Variants in NRXN3 observed in about 807,000 individuals in gnomAD.
NRXN3 encodes the protein neurexin 3.
NRXN3 carries 32 observed loss-of-function variants against 137.6 expected under a neutral mutation model. The ratio of observed to expected loss-of-function variants is 0.23; its 90% confidence interval spans 0.18 to 0.31. The LOEUF is 0.31. Ranked by LOEUF, NRXN3 falls within the 10% of genes least tolerant of loss-of-function variation. NRXN3 has a pLI of 1.00. For missense variants in NRXN3, 1,574 were observed against 2,062.5 expected, an observed-to-expected ratio of 0.76 and a Z score of 4.59; for synonymous variants, 798 against 784.5, an observed-to-expected ratio of 1.02 and a Z score of -0.29.
At chr14:78,935,379 A>G (rs1008365500) in intron 10 of NRXN3, among the ~76,000 whole-genome samples, 2 of 152,192 alleles carry the variant, frequency 1.3e-5, no homozygotes, top group African/African-American at 4.8e-5. Context: ...GTATAGAGCC[A>G]TCCCTTGGTA....
chr14:79,594,465 T>C (rs891361495), intron 16 of NRXN3, among the ~76,000 whole-genome samples: 2 of 152,176 alleles, frequency 1.3e-5, no homozygotes, highest in African/African-American at 4.8e-5. Flanking sequence ...AAAATAAATA[T>C]TATATACTTT....
At chr14:78,931,580 G>C (rs2099322008) in intron 10 of NRXN3, among the ~76,000 whole-genome samples, 2 of 152,006 alleles carry the variant, frequency 1.3e-5, no homozygotes, top group Non-Finnish European at 2.9e-5. Flanking sequence ...TTACAGATGA[G>C]GACCCTGAGA....
chr14:79,029,588 A>G (rs1177107763), intron 15 of NRXN3, among the ~76,000 whole-genome samples: 1 of 152,126 alleles, frequency 6.6e-6, no homozygotes, highest in Non-Finnish European at 1.5e-5. Context: ...TGCCAATGAC[A>G]TTTTTTGACT....
chr14:78,780,589 C>T (rs536986764), intron 8 of NRXN3, among the ~76,000 whole-genome samples: 1 of 152,152 alleles, frequency 6.6e-6, no homozygotes, highest in African/African-American at 2.4e-5. Context: ...TAATGACCCC[C>T]TACATGTGAT....
chr14:79,624,425 G>A (rs2098259182), intron 16 of NRXN3, among the ~76,000 whole-genome samples: 1 of 138,402 alleles, frequency 7.2e-6, no homozygotes, highest in South Asian at 2.2e-4. Flanking sequence ...TACATTTAAG[G>A]TGTCTCCATA....
intron 4 of NRXN3, among the ~76,000 whole-genome samples, chr14:78,616,183 C>T (rs1227938843): frequency 1.3e-5 from 2 of 152,122 alleles, no homozygotes; most frequent in Non-Finnish European, 2.9e-5. Context: ...AGCTTAAAAC[C>T]CTTTAATGGT....
At chr14:79,315,268 C>G (rs562250254) in intron 15 of NRXN3, among the ~76,000 whole-genome samples, 1 of 152,266 alleles carries the variant, frequency 6.6e-6, no homozygotes, top group East Asian at 1.9e-4. Context: ...ATCTCAAAGA[C>G]TAATAACTTA....
intron 15 of NRXN3, among the ~76,000 whole-genome samples, chr14:79,332,417 A>G (rs769939831): frequency 3.3e-5 from 5 of 152,068 alleles, no homozygotes; most frequent in Non-Finnish European, 7.4e-5. Flanking sequence ...CCAGTCCGCA[A>G]TACGTCCTGC....
intron 10 of NRXN3, among the ~76,000 whole-genome samples, chr14:78,955,347 AT>A (rs1440281129): frequency 1.3e-4 from 20 of 152,210 alleles, no homozygotes; most frequent in African/African-American, 4.3e-4. Context: ...TGTTACATCA[AT>A]CTTAGACCTG....
At chr14:78,665,410 A>G (rs559444523) in intron 6 of NRXN3, among the ~76,000 whole-genome samples, 19 of 152,288 alleles carry the variant, frequency 1.2e-4, no homozygotes, top group African/African-American at 4.6e-4. Context: ...TTATAAAACC[A>G]TCAGATCTTG....
At chr14:79,029,683 G>T (rs145945327) in intron 15 of NRXN3, among the ~76,000 whole-genome samples, 1 of 152,056 alleles carries the variant, frequency 6.6e-6, no homozygotes, top group Non-Finnish European at 1.5e-5. Context: ...GCCAGTAGTA[G>T]CCTCCCCAAC....
intron 4 of NRXN3, among the ~76,000 whole-genome samples, chr14:78,484,937 A>G (rs1279512602): frequency 1.3e-5 from 2 of 152,228 alleles, no homozygotes; most frequent in Non-Finnish European, 2.9e-5. Context: ...TTAGTGCAGA[A>G]TAAATAAAAT....
chr14:78,936,498 A>G (rs2099339395), intron 10 of NRXN3, among the ~76,000 whole-genome samples: 1 of 152,224 alleles, frequency 6.6e-6, no homozygotes, highest in South Asian at 2.1e-4. Context: ...CTCTAGTGAC[A>G]GAAAACAGAA....
At chr14:78,187,863 T>C (rs1250495592) in intron 1 of NRXN3, among the ~76,000 whole-genome samples, 1 of 148,360 alleles carries the variant, frequency 6.7e-6, no homozygotes, top group Non-Finnish European at 1.5e-5. Flanking sequence ...GATAGCTGAG[T>C]GGAATATGCT....
At chr14:78,957,809 A>G (rs542101019) in intron 11 of NRXN3, among the ~76,000 whole-genome samples, 3 of 152,352 alleles carry the variant, frequency 2.0e-5, no homozygotes, top group South Asian at 2.1e-4. Context: ...AGTGCATGAT[A>G]CTTAGAAGGT....
At chr14:79,802,248 T>G (rs566181812) in intron 19 of NRXN3, among the ~76,000 whole-genome samples, 1 of 152,258 alleles carries the variant, frequency 6.6e-6, no homozygotes, top group African/African-American at 2.4e-5. Flanking sequence ...TAGATTTTCA[T>G]TAACTCACCA....
intron 19 of NRXN3, among the ~76,000 whole-genome samples, chr14:79,798,084 G>A (rs946828757): frequency 6.6e-6 from 1 of 151,134 alleles, no homozygotes; most frequent in Admixed American, 6.6e-5. Context: ...CTAGGTGACT[G>A]AGAGAGACCC....
intron 19 of NRXN3, 28 bp from the exon 20 acceptor site, chr14:79,805,084 C>A: frequency 9.9e-6 from 15 of 1,511,454 alleles, no homozygotes; most frequent in Non-Finnish European, 1.4e-5. Context: ...CTTCCCCTAC[C>A]CCATTATTTT....
intron 10 of NRXN3, among the ~76,000 whole-genome samples, chr14:78,930,398 C>T (rs2099318186): frequency 6.6e-6 from 1 of 152,106 alleles, no homozygotes. Flanking sequence ...TTAGCAGCAC[C>T]GTTGCCTAAA....
Sources: allele counts gnomAD v4.1 joint callset (sites outside exome capture counted in the v4.1 genomes callset), GRCh38; gene constraint gnomAD v4.1.1; transcripts MANE v1.5; gene names NCBI Gene and HGNC (gene_info 2026-07-23, HGNC 2026-07-21).